ROBO2: variants seen among roughly 807,000 people sequenced by gnomAD.
The protein encoded by ROBO2 is roundabout guidance receptor 2.
Under a neutral mutation model 160.8 loss-of-function variants are expected in ROBO2, and 53 were observed. The observed-to-expected ratio is 0.33, with a 90% CI of 0.26 to 0.41. The LOEUF (loss-of-function observed/expected upper bound fraction) is 0.41. Among genes scored for constraint, ROBO2 ranks in the 10% least tolerant of loss-of-function variants. The probability of loss-of-function intolerance (pLI) is 1.00; values close to 1 mark genes in which losing one functional copy is unlikely to be tolerated. For missense variants in ROBO2, 1,577 were observed against 1,722.4 expected, an observed-to-expected ratio of 0.92 and a Z score of 1.49; for synonymous variants, 664 against 611.7, an observed-to-expected ratio of 1.09 and a Z score of -1.26.
At chr3:77,496,960 A>G (rs1184727729) in intron 5 of ROBO2, among the ~76,000 whole-genome samples, 3 of 152,134 alleles carry the variant, frequency 2.0e-5, no homozygotes, top group Admixed American at 6.6e-5. Flanking sequence ...ATGAAATTAC[A>G]ACAGACTCTT....
At chr3:76,438,808 T>C (rs1418225528) in intron 2 of ROBO2, among the ~76,000 whole-genome samples, 2 of 152,054 alleles carry the variant, frequency 1.3e-5, no homozygotes, top group African/African-American at 4.8e-5. Context: ...TTTAAATATA[T>C]ACATTCAATG....
intron 2 of ROBO2, among the ~76,000 whole-genome samples, chr3:77,400,433 T>C (rs1488926766): frequency 6.6e-6 from 1 of 152,198 alleles, no homozygotes; most frequent in African/African-American, 2.4e-5. Flanking sequence ...CTGGAGTCTT[T>C]TGGGGGGCCT....
rs530012237 is a variant in ROBO2, at chr3:76,169,264, C to G, written c.109+231662C>G. On this transcript the variant is annotated intron_variant, in intron 2 of 26. Transcript: ENST00000487694. ...GCTTACCATCAGCCAACTGGATAAT[C>G]AAAGAAGTGTCTTAAATCTGCCTGG... is the stretch of plus-strand genomic sequence containing the variant. Among the ~76,000 whole-genome samples, 4 of 152,252 alleles carry G rather than the reference C, an allele frequency of 2.6e-5. No individual in the cohort carries two copies. The South Asian group carries it at 8.3e-4, about 32-fold the overall frequency.
intron 2 of ROBO2, among the ~76,000 whole-genome samples, chr3:76,335,189 T>G (rs1467631188): frequency 7.0e-6 from 1 of 142,898 alleles, no homozygotes; most frequent in Non-Finnish European, 1.5e-5. Flanking sequence ...TTTTTTTTTT[T>G]TTTTTTTTTT....
chr3:76,632,225 C>G (rs1279851118), intron 2 of ROBO2, among the ~76,000 whole-genome samples: 1 of 152,176 alleles, frequency 6.6e-6, no homozygotes. Context: ...CAGTAGAATC[C>G]TATAATGTCC....
chr3:76,125,996 T>C (rs928915789), intron 2 of ROBO2, among the ~76,000 whole-genome samples: 2 of 152,000 alleles, frequency 1.3e-5, no homozygotes, highest in African/African-American at 4.8e-5. Context: ...CCAGCTAATT[T>C]TTGTATTTTT....
chr3:75,977,395 T>G (rs2065160837), intron 2 of ROBO2, among the ~76,000 whole-genome samples: 1 of 151,644 alleles, frequency 6.6e-6, no homozygotes, highest in African/African-American at 2.4e-5. Context: ...AACTTAAAGG[T>G]CAAATAGTTA....
At chr3:77,244,115 G>A (rs543418330) in intron 2 of ROBO2, among the ~76,000 whole-genome samples, 6 of 152,252 alleles carry the variant, frequency 3.9e-5, no homozygotes, top group Admixed American at 2.6e-4. Context: ...ATGTTAGTTT[G>A]CTTAACATTT....
At chr3:76,684,213 T>A (rs995039935) in intron 2 of ROBO2, among the ~76,000 whole-genome samples, 1 of 152,116 alleles carries the variant, frequency 6.6e-6, no homozygotes, top group Non-Finnish European at 1.5e-5. Flanking sequence ...GTCCAAACCA[T>A]TTTCTCCCTT....
chr3:77,240,199 G>T lies in ROBO2; in HGVS notation c.388+141859G>T, dbSNP rs557439111. On this transcript the variant is annotated intron_variant, in intron 2 of 25. Transcript: ENST00000461745. ...AGGAGCCCACCACAGTGGCACTCGGGCATGGCAGGCTGCAGGTCCTGAGCC... is the reference window on the plus strand; with the variant it reads ...AGGAGCCCACCACAGTGGCACTCGGTCATGGCAGGCTGCAGGTCCTGAGCC... Among the ~76,000 whole-genome samples, 6 of 152,264 alleles carry T rather than the reference G, an allele frequency of 3.9e-5. No individual in the cohort carries two copies. In the East Asian group the frequency reaches 9.7e-4, roughly 25 times the overall value.
At chr3:76,501,745 G>A (rs903070959) in intron 2 of ROBO2, among the ~76,000 whole-genome samples, 1 of 152,092 alleles carries the variant, frequency 6.6e-6, no homozygotes, top group African/African-American at 2.4e-5. Context: ...TCAACTCTAT[G>A]AATTAAATAT....
chr3:76,423,648 A>C (rs549111758), intron 2 of ROBO2, among the ~76,000 whole-genome samples: 2 of 152,250 alleles, frequency 1.3e-5, no homozygotes, highest in African/African-American at 4.8e-5. Flanking sequence ...GAATTTTATA[A>C]CCTGAGAATT....
At chr3:77,602,648 TACCACC>T (rs1271360786) in intron 20 of ROBO2, 157 bp downstream of exon 21, 6 of 866,164 alleles carry the variant, frequency 6.9e-6, no homozygotes, top group South Asian at 6.4e-5. Context: ...GAGTAATTCC[TACCACC>T]ACCACCGCCA....
chr3:77,037,738 A>G (rs988486157), upstream of ROBO2, among the ~76,000 whole-genome samples: 3 of 152,204 alleles, frequency 2.0e-5, no homozygotes, highest in Non-Finnish European at 2.9e-5. Flanking sequence ...TATCAAGTAT[A>G]AAATAGAATC....
At chr3:75,986,667 A>G (rs776458105) in intron 2 of ROBO2, among the ~76,000 whole-genome samples, 1 of 151,542 alleles carries the variant, frequency 6.6e-6, no homozygotes, top group African/African-American at 2.4e-5. Flanking sequence ...TCAGAGTTTT[A>G]TAGTATTTTT....
intron 2 of ROBO2, among the ~76,000 whole-genome samples, chr3:77,462,095 T>C (rs889968881): frequency 6.6e-6 from 1 of 152,244 alleles, no homozygotes; most frequent in African/African-American, 2.4e-5. Flanking sequence ...TAACTTTTTA[T>C]AAAATTGATA....
intron 2 of ROBO2, among the ~76,000 whole-genome samples, chr3:77,315,205 G>A (rs1490577034): frequency 1.3e-5 from 2 of 152,080 alleles, no homozygotes; most frequent in East Asian, 3.9e-4. Context: ...CTTATTTGCA[G>A]AACAGTCTTA....
intron 2 of ROBO2, among the ~76,000 whole-genome samples, chr3:77,111,144 G>GA (rs1221618924): frequency 2.6e-5 from 4 of 151,412 alleles, no homozygotes; most frequent in East Asian, 1.9e-4. Context: ...CTTGTTTATG[G>GA]AAAAAAAAGA....
chr3:75,963,286 C>T (rs1241633966), intron 2 of ROBO2, among the ~76,000 whole-genome samples: 1 of 151,688 alleles, frequency 6.6e-6, no homozygotes, highest in Non-Finnish European at 1.5e-5. Context: ...CTCCTGGGCT[C>T]AAGCAGTCCT....
Sources: allele counts gnomAD v4.1 joint callset (sites outside exome capture counted in the v4.1 genomes callset), GRCh38; gene constraint gnomAD v4.1.1; transcripts MANE v1.5; gene names NCBI Gene and HGNC (gene_info 2026-07-23, HGNC 2026-07-21).